HS6ST3: variants seen among roughly 807,000 people sequenced by gnomAD.
HS6ST3 encodes the protein heparan sulfate 6-O-sulfotransferase 3, also known as heparan-sulfate 6-O-sulfotransferase 3.
HS6ST3 carries 12 observed loss-of-function variants against 36.7 expected under a neutral mutation model. The ratio of observed to expected loss-of-function variants is 0.33; its 90% confidence interval spans 0.21 to 0.53. The LOEUF (loss-of-function observed/expected upper bound fraction) is 0.53, where lower values mean the gene tolerates loss of function less well. Among genes scored for constraint, HS6ST3 ranks in the 20% least tolerant of loss-of-function variants. The pLI, the probability that HS6ST3 is intolerant of heterozygous loss-of-function variation, is 0.95. For synonymous variants in HS6ST3, 240 were observed against 257.5 expected (o/e 0.93, Z 0.65); for missense variants, 584 against 640.9 (o/e 0.91, Z 0.96).
At chr13:96,814,503 AC>A (rs998117755) in intron 1 of HS6ST3, among the ~76,000 whole-genome samples, 1 of 151,906 alleles carries the variant, frequency 6.6e-6, no homozygotes, top group African/African-American at 2.4e-5. Context: ...TTTCATTCAG[AC>A]CCCTTAAATT....
At chr13:96,410,209 A>G (rs2055500353) in intron 1 of HS6ST3, among the ~76,000 whole-genome samples, 1 of 152,346 alleles carries the variant, frequency 6.6e-6, no homozygotes, top group South Asian at 2.1e-4. Flanking sequence ...CAAACTCTGT[A>G]GAACACTTAG....
chr13:96,813,779 C>T (rs544316227), intron 1 of HS6ST3, among the ~76,000 whole-genome samples: 1 of 152,274 alleles, frequency 6.6e-6, no homozygotes, highest in African/African-American at 2.4e-5. Flanking sequence ...TAAATACTCA[C>T]AAATGATGTG....
intron 1 of HS6ST3, among the ~76,000 whole-genome samples, chr13:96,417,057 G>T (rs2055537344): frequency 6.6e-6 from 1 of 152,086 alleles, no homozygotes; most frequent in South Asian, 2.1e-4. Flanking sequence ...GCCGGCATGG[G>T]GTAACTTTTA....
chr13:96,092,763 A>C (rs1308551036), intron 1 of HS6ST3, among the ~76,000 whole-genome samples: 3 of 152,170 alleles, frequency 2.0e-5, no homozygotes, highest in Admixed American at 2.0e-4. Flanking sequence ...ATTCTACTTC[A>C]TTTCTCCAAG....
intron 1 of HS6ST3, among the ~76,000 whole-genome samples, chr13:96,775,626 A>G (rs2209323): frequency 0.7 from 106,638 of 151,960 alleles, 38,361 homozygotes; most frequent in African/African-American, 0.88. Flanking sequence ...AGGGATCAAT[A>G]CAACAAGAAG....
intron 1 of HS6ST3, among the ~76,000 whole-genome samples, chr13:96,448,288 A>G (rs963956547): frequency 2.6e-5 from 4 of 152,148 alleles, no homozygotes; most frequent in Non-Finnish European, 4.4e-5. Flanking sequence ...AATTGTGTCT[A>G]TTCCTTAAAA....
rs146698258 is a variant in HS6ST3 at position 96,394,171 on chromosome 13, A to C, written c.707+302602A>C. 8.0e-3 allele frequency among the ~76,000 whole-genome samples: 1,220 copies of C among 152,220 alleles called. 8 individuals are homozygous for C. Among genetic ancestry groups the C allele is most frequent in the Non-Finnish European group, 0.012 (803 of 68,008 alleles). On this transcript the variant is annotated intron_variant, in intron 1 of 1. Coordinates refer to ENST00000376705, the MANE Select transcript of HS6ST3 (RefSeq NM_153456.4). ...GTGTCTGTGCTGAGGAAGCAGGGTAAACCAGATGTCTGGTTGTAGCTGAGG... is the reference window on the plus strand; with the variant it reads ...GTGTCTGTGCTGAGGAAGCAGGGTACACCAGATGTCTGGTTGTAGCTGAGG...
intron 1 of HS6ST3, among the ~76,000 whole-genome samples, chr13:96,236,703 G>T (rs77314898): frequency 0.012 from 1,751 of 152,236 alleles, 36 homozygotes; most frequent in African/African-American, 0.041. Context: ...AATTTTAAAT[G>T]CATGATCAAA....
At chr13:96,145,787 G>A (rs1057392090) in intron 1 of HS6ST3, among the ~76,000 whole-genome samples, 3 of 152,256 alleles carry the variant, frequency 2.0e-5, no homozygotes, top group Admixed American at 6.5e-5. Flanking sequence ...ATGGTTTTAG[G>A]TCTAACATAT....
intron 1 of HS6ST3, among the ~76,000 whole-genome samples, chr13:96,783,508 C>G (rs1012855024): frequency 6.6e-6 from 1 of 151,866 alleles, no homozygotes; most frequent in Admixed American, 6.6e-5. Context: ...AATTGTGAAT[C>G]CTACAACTGA....
At chr13:96,434,348 TTTCTTCTTATTTTGCTG>T (rs2055631071) in intron 1 of HS6ST3, among the ~76,000 whole-genome samples, 1 of 152,158 alleles carries the variant, frequency 6.6e-6, no homozygotes, top group Non-Finnish European at 1.5e-5. Context: ...TCCAGGATAT[TTTCTTCTTATTTTGCTG>T]TTCATCAATG....
At chr13:96,399,985 A>G (rs1289839631) in intron 1 of HS6ST3, among the ~76,000 whole-genome samples, 1 of 151,786 alleles carries the variant, frequency 6.6e-6, no homozygotes, top group Non-Finnish European at 1.5e-5. Flanking sequence ...TTCAGGGGAG[A>G]TTGGTCTTAT....
Position 96,774,788 on chromosome 13 carries a change from C to A in HS6ST3, c.708-57702C>A, listed in dbSNP as rs955205101. On this transcript the variant is annotated intron_variant, in intron 1 of 1. Transcript: ENST00000376705. ...ATATTATCCAGGAGAACTTCCCCAACCTAGAAAGACAGGCCGACATTCAAA... is the reference window on the plus strand; with the variant it reads ...ATATTATCCAGGAGAACTTCCCCAAACTAGAAAGACAGGCCGACATTCAAA... 3.9e-5 allele frequency among the ~76,000 whole-genome samples: 6 copies of A among 152,192 alleles called. No individual in the cohort carries two copies. The East Asian group carries it at 9.7e-4, about 25-fold the overall frequency.
intron 1 of HS6ST3, among the ~76,000 whole-genome samples, chr13:96,439,596 T>TA (rs1431619397): frequency 2.6e-5 from 4 of 152,234 alleles, no homozygotes; most frequent in African/African-American, 7.2e-5. Flanking sequence ...TTGCTCTTCC[T>TA]ACCTGTGCCT....
At chr13:96,199,418 A>C (rs2054330509) in intron 1 of HS6ST3, among the ~76,000 whole-genome samples, 1 of 152,228 alleles carries the variant, frequency 6.6e-6, no homozygotes, top group Non-Finnish European at 1.5e-5. Flanking sequence ...ACGTCTTGAT[A>C]GTTACTTATT....
chr13:96,324,199 C>A (rs775505508), intron 1 of HS6ST3, among the ~76,000 whole-genome samples: 49 of 152,176 alleles, frequency 3.2e-4, no homozygotes, highest in Non-Finnish European at 5.4e-4. Context: ...CTTTAAACAT[C>A]TCCAAAAACT....
intron 1 of HS6ST3, among the ~76,000 whole-genome samples, chr13:96,770,673 C>T (rs1877242774): frequency 6.6e-6 from 1 of 152,182 alleles, no homozygotes; most frequent in South Asian, 2.1e-4. Flanking sequence ...TAGAGATTGA[C>T]TAATTATTGG....
chr13:96,454,180 G>A (rs1027679973), intron 1 of HS6ST3, among the ~76,000 whole-genome samples: 4 of 152,060 alleles, frequency 2.6e-5, no homozygotes, highest in African/African-American at 9.7e-5. Context: ...TTTTCATGGA[G>A]CCTGTGGATT....
At chr13:96,097,357 T>A (rs2053796534) in intron 1 of HS6ST3, among the ~76,000 whole-genome samples, 1 of 152,182 alleles carries the variant, frequency 6.6e-6, no homozygotes, top group South Asian at 2.1e-4. Context: ...CTTATGGCAT[T>A]TGAAAGTTAT....
Sources: gnomAD v4.1 joint callset for allele counts (sites outside exome capture counted in the v4.1 genomes callset) on GRCh38, gnomAD v4.1.1 for gene constraint, MANE v1.5 for transcripts, NCBI Gene and HGNC (gene_info 2026-07-23, HGNC 2026-07-21) for gene names.